Variants in OR4A15 observed in about 807,000 individuals in gnomAD.
OR4A15 encodes olfactory receptor 4A15.
For synonymous variants in OR4A15, 240 were observed against 135.6 expected (o/e 1.77, Z -5.35); for missense variants, 657 against 374.7 (o/e 1.75, Z -6.22).
At chr11:55,368,198 T>C (rs769327276) in exon 1 of OR4A15, 1 of 1,613,668 alleles carries the variant, frequency 6.2e-7, no homozygotes, top group Non-Finnish European at 8.5e-7. Flanking sequence ...CTACTGCATT[T>C]GCTCCCAAAA....
In OR4A15 at chr11:55,368,124, C is replaced by A. The variant is rs370827040; in HGVS notation, c.151C>A (p.Gln51Lys). 7.4e-6 allele frequency: 12 copies of A among 1,612,704 alleles called. No homozygotes were observed. Among genetic ancestry groups the A allele is most frequent in the Middle Eastern group, 1.9e-4 (1 of 5,238 alleles). The change falls in exon 1 of 1, where the codon CAG (glutamine) becomes AAG (lysine). Residue 51 changes from glutamine to lysine, a missense_variant. Physicochemically the swap from Gln to Lys is moderately conservative, Grantham distance 53. Coordinates refer to ENST00000641526, the Ensembl canonical transcript of OR4A15. The stretch of plus-strand genomic sequence containing the variant: ...TATCATAGTGACCATCATGGCCAGC[C>A]AGTCCCTGGGTTCCCCCATGTACTT...
In OR4A15 at chr11:55,368,336, C is replaced by A. The variant is rs199792741; in HGVS notation, c.363C>A (p.Tyr121Ter). ...TGGTGGTAATGGCCTATGATCGATACATGGCCATCTGTAAGCCTCTTCATG... is the reference window on the plus strand; with the variant it reads ...TGGTGGTAATGGCCTATGATCGATAAATGGCCATCTGTAAGCCTCTTCATG... The change falls in exon 1 of 1, where the codon TAC (tyrosine) becomes TAA (stop). Residue 121 changes from tyrosine (Y) to a stop codon, truncating the protein, a stop_gained. Coordinates refer to ENST00000641526, the Ensembl canonical transcript of OR4A15. LOFTEE classifies it low-confidence loss of function (END_TRUNC). 2 of 1,611,082 alleles carry A rather than the reference C, an allele frequency of 1.2e-6. No homozygotes were observed. The highest frequency in any genetic ancestry group is 2.2e-5 in the South Asian group (2 of 91,016).
chr11:55,368,667 C>A, exon 1 of OR4A15: 1 of 1,613,632 alleles, frequency 6.2e-7, no homozygotes, highest in Non-Finnish European at 8.5e-7. Context: ...GGAAGGGAAA[C>A]GAAAAGCTTT....
At position 55,368,161 on chromosome 11, in the gene OR4A15, C is replaced by G. The variant is rs180866007; in HGVS notation, c.188C>G (p.Ser63Cys). 11 of 1,612,920 alleles carry G rather than the reference C, an allele frequency of 6.8e-6. No homozygotes were observed. The East Asian group carries it at 2.2e-4, about 33-fold the overall frequency. Residue 63 changes from serine (S) to cysteine (C), a missense_variant, in exon 1 of 1, where the codon TCT (serine) becomes TGT (cysteine). Coordinates refer to ENST00000641526, the Ensembl canonical transcript of OR4A15. ...TCCCCCATGTACTTTTTTCTGGCTT[C>G]TTTATCATTCATAGATACCGTCTAT...
chr11:55,368,202 C>A (rs1853878197), exon 1 of OR4A15: 3 of 1,613,596 alleles, frequency 1.9e-6, no homozygotes, highest in Non-Finnish European at 2.5e-6. Flanking sequence ...TGCATTTGCT[C>A]CCAAAATGAT....
At chr11:55,368,901 T>C (rs1207146320) in exon 1 of OR4A15, 2 of 1,601,950 alleles carry the variant, frequency 1.2e-6, no homozygotes, top group Non-Finnish European at 1.7e-6. Flanking sequence ...AGCTGGGAAA[T>C]GGCTGTATCA....
chr11:55,368,891 A>G (rs141525043), exon 1 of OR4A15: 1 of 1,606,410 alleles, frequency 6.2e-7, no homozygotes, highest in Non-Finnish European at 8.5e-7. Flanking sequence ...AAGTAAGCTT[A>G]GCTGGGAAAT....
In OR4A15 at chr11:55,368,383, G is replaced by T. The variant is rs781305849; in HGVS notation, c.410G>T (p.Arg137Leu). Reference sequence around the variant, plus strand: ...CATGAATTGATCACCATGAATCGTCGAGTCTGTGTTCTTATGCTGTTGGCG... The same window carrying T: ...CATGAATTGATCACCATGAATCGTCTAGTCTGTGTTCTTATGCTGTTGGCG... Residue 137 changes from arginine to leucine, a missense_variant, in exon 1 of 1, where the codon CGA (arginine) becomes CTA (leucine). Transcript: ENST00000641526. 4.3e-6 allele frequency: 7 copies of T among 1,613,382 alleles called. No individual in the cohort carries two copies. In the Admixed American group the frequency reaches 6.7e-5, roughly 15 times the overall value.
At chr11:55,368,755 C>T (rs765150440) in exon 1 of OR4A15, 1 of 1,613,746 alleles carries the variant, frequency 6.2e-7, no homozygotes, top group East Asian at 2.2e-5. Flanking sequence ...AGGCCCAATT[C>T]TACTTTTCCC....
Position 55,368,741 on chromosome 11 carries a change from T to G in OR4A15, c.768T>G (p.Tyr256Ter). 1 of 1,613,822 alleles carries G rather than the reference T, an allele frequency of 6.2e-7. No homozygotes were observed. Among genetic ancestry groups the G allele is most frequent in the Non-Finnish European group, 8.5e-7 (1 of 1,179,800 alleles). The change falls in exon 1 of 1, where the codon TAT becomes TAG. Residue 256 changes from tyrosine to a stop codon, truncating the protein, a stop_gained. Transcript: ENST00000641526. LOFTEE classifies it low-confidence loss of function (END_TRUNC). ...TCTTTGTCCCCTGTATCTTCTTGTA[T>G]GCAAGGCCCAATTCTACTTTTCCCA... is the stretch of plus-strand genomic sequence containing the variant.
chr11:55,368,825 C>T (rs780776212), exon 1 of OR4A15: 1 of 1,613,156 alleles, frequency 6.2e-7, no homozygotes, highest in African/African-American at 1.3e-5. Context: ...ACCCACTAAT[C>T]TATACCCTGA....
chr11:55,368,217 G>T (rs770091993), exon 1 of OR4A15: 1 of 1,613,538 alleles, frequency 6.2e-7, no homozygotes, highest in African/African-American at 1.3e-5. Flanking sequence ...AATGATTGTT[G>T]ACTTGCTCTC....
exon 1 of OR4A15, chr11:55,368,545 A>G (rs567916152): frequency 3.1e-6 from 5 of 1,613,184 alleles, no homozygotes; most frequent in East Asian, 2.2e-5. Context: ...ACCAATACCT[A>G]TGTCACTGGG....
rs1484248195 is a variant in OR4A15 at position 55,368,349 on chromosome 11, A to T, written c.376A>T (p.Lys126Ter). 1.9e-6 allele frequency: 3 copies of T among 1,613,056 alleles called. No homozygotes were observed. The highest frequency in any genetic ancestry group is 2.5e-6 in the Non-Finnish European group (3 of 1,179,318). The change falls in exon 1 of 1, where the codon AAG becomes TAG. Residue 126 changes from lysine to a stop codon, truncating the protein, a stop_gained. Coordinates refer to ENST00000641526, the Ensembl canonical transcript of OR4A15. LOFTEE classifies it low-confidence loss of function (END_TRUNC). ...CTATGATCGATACATGGCCATCTGT[A>T]AGCCTCTTCATGAATTGATCACCAT...
exon 1 of OR4A15, chr11:55,368,728 G>T (rs1238905074): frequency 7.4e-6 from 12 of 1,613,654 alleles, no homozygotes; most frequent in Admixed American, 1.7e-5. Context: ...TTTGTCCCCT[G>T]TATCTTCTTG....
At chr11:55,368,578 G>T (rs1410474772) in exon 1 of OR4A15, 3 of 1,613,612 alleles carry the variant, frequency 1.9e-6, no homozygotes, top group East Asian at 2.2e-5. Context: ...GCTAATGGAG[G>T]AGCGATTTGT....
chr11:55,368,323 C>T, exon 1 of OR4A15: 1 of 1,613,390 alleles, frequency 6.2e-7, no homozygotes, highest in Non-Finnish European at 8.5e-7. Context: ...GTGGTAATGG[C>T]CTATGATCGA....
exon 1 of OR4A15, chr11:55,368,258 T>C (rs1853879822): frequency 1.2e-6 from 2 of 1,613,882 alleles, no homozygotes; most frequent in East Asian, 2.2e-5. Flanking sequence ...TTCAGGGTTG[T>C]ATGGCTCAAC....
exon 1 of OR4A15, chr11:55,368,120 C>T (rs776834396): frequency 1.9e-6 from 3 of 1,612,858 alleles, no homozygotes; most frequent in Middle Eastern, 1.9e-4. Flanking sequence ...CCATCATGGC[C>T]AGCCAGTCCC....
Sources: gnomAD v4.1 joint callset for allele counts on GRCh38, gnomAD v4.1.1 for gene constraint, MANE v1.5 for transcripts, NCBI Gene and HGNC (gene_info 2026-07-23, HGNC 2026-07-21) for gene names.